The following NR2C2 variants were observed in gnomAD, a reference collection of about 807,000 sequenced individuals.
NR2C2 encodes Nuclear hormone receptor TR4.
Under a neutral mutation model 62.9 loss-of-function variants are expected in NR2C2, and 6 were observed. The observed-to-expected ratio is 0.10, with a 90% CI of 0.05 to 0.19. The LOEUF (loss-of-function observed/expected upper bound fraction) is 0.19. Among genes scored for constraint, NR2C2 ranks in the 10% least tolerant of loss-of-function variants. The probability of loss-of-function intolerance (pLI) is 1.00; values close to 1 mark genes in which losing one functional copy is unlikely to be tolerated. For synonymous variants in NR2C2, 272 were observed against 273.8 expected, an observed-to-expected ratio of 0.99 and a Z score of 0.07; for missense variants, 479 against 762.7, an observed-to-expected ratio of 0.63 and a Z score of 4.38.
intron 13 of NR2C2, among the ~76,000 whole-genome samples, chr3:15,041,405 A>G (rs1349733436): frequency 6.6e-6 from 1 of 152,158 alleles, no homozygotes; most frequent in African/African-American, 2.4e-5. Context: ...ATTGGAGCAC[A>G]GCGACTCATT....
At position 15,039,195 on chromosome 3, in the gene NR2C2, T is replaced by C. The variant is rs773793784; in HGVS notation, c.1584T>C (p.Tyr528=). 4.0e-5 allele frequency: 65 copies of C among 1,614,028 alleles called. No individual in the cohort carries two copies. The highest frequency in any genetic ancestry group is 3.3e-4 in the Middle Eastern group (2 of 6,084). ...AGGCACAGATGGAGTTGCAGGACTA[T>C]GTTCAGAAAACCTACTCAGAAGACA... The part of the protein sequence containing the change: ...QEKAQMELQD[Y]VQKTYSEDTY... The change falls in exon 13 of 14, where the codon TAT becomes TAC. Residue 528 remains tyrosine (Y), a synonymous_variant. Coordinates refer to ENST00000425241, the MANE Select transcript of NR2C2 (RefSeq NM_001291694.2).
intron 7 of NR2C2, among the ~76,000 whole-genome samples, chr3:15,027,291 G>A (rs1233823825): frequency 1.3e-5 from 2 of 152,210 alleles, no homozygotes; most frequent in Non-Finnish European, 2.9e-5. Flanking sequence ...GAGCCACCAC[G>A]CCCAGCCTAA....
In NR2C2 at chr3:14,947,612, G is replaced by GGGC. The variant is rs753634277; in HGVS notation, c.-318_-316dup. The GGGC allele has an allele frequency of 1.9e-3, 290 of 153,174 alleles. 2 individuals carry two copies. The highest frequency in any genetic ancestry group is 9.7e-3 in the Middle Eastern group (3 of 308). 9.5% of individuals were successfully genotyped at this position (153,174 alleles called of 1,614,324 possible). On this transcript the variant is annotated 5_prime_UTR_variant, in exon 1 of 14. Coordinates refer to ENST00000425241, the MANE Select transcript of NR2C2 (RefSeq NM_001291694.2). ...ATTCGCCCTCCTCCTACCAGCGCGCGGGCGGCGGCGGCGGCGGCACCGGGG... is the reference window on the plus strand; with the variant it reads ...ATTCGCCCTCCTCCTACCAGCGCGCGGGCGGCGGCGGCGGCGGCGGCACCGGGG...
At chr3:15,039,083 T>A in intron 12 of NR2C2, 39 bp from the exon 13 acceptor site, 1 of 1,455,938 alleles carries the variant, frequency 6.9e-7, no homozygotes. Flanking sequence ...ACTTTTCAAA[T>A]ACAGAGGGAA....
intron 1 of NR2C2, among the ~76,000 whole-genome samples, chr3:14,994,234 AT>A (rs2040752638): frequency 1.3e-5 from 2 of 152,138 alleles, no homozygotes; most frequent in South Asian, 2.1e-4. Context: ...TAAGTTTAAA[AT>A]TCATCAGCTT....
chr3:14,956,626 C>G (rs1468367385), intron 1 of NR2C2, among the ~76,000 whole-genome samples: 2 of 152,142 alleles, frequency 1.3e-5, no homozygotes, highest in Non-Finnish European at 2.9e-5. Flanking sequence ...TCACTGCAAC[C>G]TCTGCCTCCT....
At chr3:14,995,808 AG>A (rs2040816950) in intron 1 of NR2C2, among the ~76,000 whole-genome samples, 1 of 152,152 alleles carries the variant, frequency 6.6e-6, no homozygotes. Context: ...CTGTGTATGA[AG>A]GATCTGGTTT....
chr3:15,043,931 T>C lies in NR2C2; in HGVS notation c.*923T>C, dbSNP rs1313632939. ...TCCGCCGCTCGTGGCAGATGGAGCC[T>C]TGTGACCAAAAAGTGCAAGGTGGGC... On this transcript the variant is annotated 3_prime_UTR_variant, in exon 14 of 14. Transcript: ENST00000425241. 8 of 152,240 alleles carry C rather than the reference T, an allele frequency of 5.3e-5. No homozygotes were observed. The highest frequency in any genetic ancestry group is 1.9e-4 in the African/African-American group (8 of 41,462). The allele number at this position is 152,240 out of a possible 1,614,324, so 9.4% of individuals were successfully genotyped here. A position where few individuals can be genotyped will look rare whatever the true frequency, so the allele number is the denominator to read the frequency against.
At chr3:15,004,594 C>T (rs755308264) in intron 2 of NR2C2, 3 of 1,612,674 alleles carry the variant, frequency 1.9e-6, no homozygotes, top group Non-Finnish European at 2.5e-6. Flanking sequence ...AGTGTTTTCA[C>T]ATCTTTGAAC....
intron 1 of NR2C2, among the ~76,000 whole-genome samples, chr3:14,960,884 C>T (rs960620129): frequency 3.9e-5 from 6 of 152,110 alleles, no homozygotes; most frequent in African/African-American, 7.2e-5. Context: ...GACTTAAAGA[C>T]GCCTTTTCCT....
At chr3:15,015,619 G>C (rs967404673) in intron 3 of NR2C2, among the ~76,000 whole-genome samples, 1 of 152,182 alleles carries the variant, frequency 6.6e-6, no homozygotes, top group Admixed American at 6.5e-5. Context: ...GTAGATCAGT[G>C]GAAACCAGCG....
chr3:14,984,449 T>G (rs1252674694), intron 1 of NR2C2, among the ~76,000 whole-genome samples: 1 of 152,228 alleles, frequency 6.6e-6, no homozygotes, highest in Admixed American at 6.5e-5. Context: ...GGCTGTATAT[T>G]GTCTTCTGAG....
chr3:15,020,515 CCTGT>C (rs2041642662), intron 4 of NR2C2, among the ~76,000 whole-genome samples: 1 of 152,280 alleles, frequency 6.6e-6, no homozygotes, highest in East Asian at 1.9e-4. Context: ...TGTCATATAA[CCTGT>C]CTGAGTTTCA....
chr3:14,990,020 T>G (rs2040625081), intron 1 of NR2C2, among the ~76,000 whole-genome samples: 1 of 151,734 alleles, frequency 6.6e-6, no homozygotes. Context: ...GGAGGATCAC[T>G]TGAGCCCAGG....
At chr3:15,024,069 C>A in intron 6 of NR2C2, 46 bp from the exon 7 acceptor site, 2 of 1,243,908 alleles carry the variant, frequency 1.6e-6, no homozygotes, top group Non-Finnish European at 2.4e-6. Flanking sequence ...TCATACTGTG[C>A]ATAAAATGTT....
At chr3:14,961,727 T>C (rs2039692009) in intron 1 of NR2C2, among the ~76,000 whole-genome samples, 1 of 152,248 alleles carries the variant, frequency 6.6e-6, no homozygotes, top group Admixed American at 6.5e-5. Flanking sequence ...AGGTGATCTT[T>C]CTCAATTTTT....
At chr3:14,982,454 C>T (rs1186177423) in intron 1 of NR2C2, among the ~76,000 whole-genome samples, 1 of 152,120 alleles carries the variant, frequency 6.6e-6, no homozygotes, top group Admixed American at 6.5e-5. Context: ...GAGTTGATCT[C>T]TTCATCATAT....
chr3:15,001,494 C>T (rs1292027612), intron 1 of NR2C2, among the ~76,000 whole-genome samples: 4 of 151,852 alleles, frequency 2.6e-5, no homozygotes, highest in East Asian at 1.9e-4. Context: ...CCATCATACC[C>T]GGCTTATTTT....
chr3:14,997,581 A>G lies in NR2C2; in HGVS notation c.-39-6295A>G, dbSNP rs949796002. On this transcript the variant is annotated intron_variant, in intron 1 of 13. Transcript: ENST00000425241. ...TACCTTGCAGGATCTCAGCCTCACCATACCTCCTATAAAATGGTTGTGCTT... is the reference window on the plus strand; with the variant it reads ...TACCTTGCAGGATCTCAGCCTCACCGTACCTCCTATAAAATGGTTGTGCTT... Among the ~76,000 whole-genome samples, 4 of 152,316 alleles carry G rather than the reference A, an allele frequency of 2.6e-5. No individual in the cohort carries two copies. The East Asian group carries it at 7.7e-4, about 29-fold the overall frequency.
Sources: gnomAD v4.1 joint callset for allele counts (sites outside exome capture counted in the v4.1 genomes callset) on GRCh38, gnomAD v4.1.1 for gene constraint, MANE v1.5 for transcripts, NCBI Gene and HGNC (gene_info 2026-07-23, HGNC 2026-07-21) for gene names.